TOP3A: variants seen among roughly 807,000 people sequenced by gnomAD.
The protein encoded by TOP3A is DNA topoisomerase III alpha, also known as DNA topoisomerase 3-alpha.
Under a neutral mutation model 111.3 loss-of-function variants are expected in TOP3A, and 64 were observed. The observed-to-expected ratio is 0.57, with a 90% CI of 0.47 to 0.71. The LOEUF is 0.71. Ranked by LOEUF, TOP3A falls within the 30% of genes least tolerant of loss-of-function variation. The pLI is 0.00. For missense variants in TOP3A, 1,104 were observed against 1,285.0 expected (o/e 0.86, Z 2.15); for synonymous variants, 484 against 485.1 (o/e 1.00, Z 0.03).
intron 9 of TOP3A, 22 bp from the exon 10 acceptor site, chr17:18,294,807 A>G: frequency 6.4e-7 from 1 of 1,560,158 alleles, no homozygotes. Flanking sequence ...GTCAACAGGC[A>G]TGTTAGGTGT....
rs748896969 is a variant in TOP3A at position 18,302,680 on chromosome 17, G to A, written c.543C>T (p.Ile181=). The A allele has an allele frequency of 1.4e-5, 23 of 1,614,022 alleles. 1 individual carries two copies. Among genetic ancestry groups the A allele is most frequent in the Non-Finnish European group, 1.9e-5 (23 of 1,180,002 alleles). Residue 181 remains isoleucine, a synonymous_variant, in exon 6 of 19, where the codon ATC becomes ATT. Transcript: ENST00000321105. ...AAGCTGTCCTGACGGCATGGGGTGT[G>A]ATCTCAGAGAATCGGGCTCGCAACA... ...LQVLRARFSE[I]TPHAVRTACE... is the part of the protein sequence containing the mutation.
At position 18,314,587 on chromosome 17, in the gene TOP3A, G is replaced by A. The variant is rs1982131728; in HGVS notation, c.180+12C>T. 1 of 1,604,360 alleles carries A rather than the reference G, an allele frequency of 6.2e-7. No homozygotes were observed. The highest frequency in any genetic ancestry group is 8.5e-7 in the Non-Finnish European group (1 of 1,173,492). Reference sequence around the variant, plus strand: ...CTTAAGGCACGCAGCTGATCGGAACGCGCTTTCTTACCCGCCTCATGCGAC... The same window carrying A: ...CTTAAGGCACGCAGCTGATCGGAACACGCTTTCTTACCCGCCTCATGCGAC... On this transcript the variant is annotated intron_variant, in intron 1 of 18. Transcript: ENST00000321105.
At chr17:18,307,897 G>A (rs1486370528) in intron 3 of TOP3A, among the ~76,000 whole-genome samples, 1 of 115,614 alleles carries the variant, frequency 8.6e-6, no homozygotes, top group African/African-American at 3.5e-5. Flanking sequence ...GTAACGCAGC[G>A]AGACCCTGAC....
At chr17:18,302,909 C>CT in intron 5 of TOP3A, 186 bp from the exon 6 acceptor site, 1 of 611,402 alleles carries the variant, frequency 1.6e-6, no homozygotes, top group South Asian at 2.3e-5. Context: ...TCACCATAAC[C>CT]TTTAAACTGA....
Position 18,274,793 on chromosome 17 carries a change from ACCCTG to A in TOP3A, c.*4_*8del. On this transcript the variant is annotated 3_prime_UTR_variant, in exon 19 of 19. Transcript: ENST00000321105. ...CTGAGAAAGTGGCGTTCTCTACCCT[ACCCTG>A]AGCTCATCTGTTCTGAGGACAAAAG... is the stretch of plus-strand genomic sequence containing the variant. 6.2e-7 allele frequency: 1 copy of A among 1,613,274 alleles called. No individual in the cohort carries two copies. Among genetic ancestry groups the A allele is most frequent in the Non-Finnish European group, 8.5e-7 (1 of 1,179,486 alleles).
chr17:18,302,841 G>T, intron 5 of TOP3A, 118 bp from the exon 6 acceptor site: 1 of 1,234,992 alleles, frequency 8.1e-7, no homozygotes, highest in Non-Finnish European at 1.1e-6. Context: ...GAAGCTGTGA[G>T]ATGACCAATT....
intron 16 of TOP3A, among the ~76,000 whole-genome samples, chr17:18,282,402 T>C (rs1979814532): frequency 6.6e-6 from 1 of 152,194 alleles, no homozygotes; most frequent in African/African-American, 2.4e-5. Context: ...CACCTAGATC[T>C]GAAGCTCATG....
chr17:18,294,846 A>C, intron 9 of TOP3A, 61 bp from the exon 10 acceptor site: 1 of 1,101,408 alleles, frequency 9.1e-7, no homozygotes, highest in Non-Finnish European at 1.4e-6. Flanking sequence ...CACAACTCAA[A>C]TACACAACTC....
intron 1 of TOP3A, among the ~76,000 whole-genome samples, chr17:18,311,107 T>C (rs1354230247): frequency 6.6e-6 from 1 of 151,660 alleles, no homozygotes; most frequent in Non-Finnish European, 1.5e-5. Flanking sequence ...TTCATGCCAT[T>C]CTGCTGCCTC....
intron 10 of TOP3A, among the ~76,000 whole-genome samples, chr17:18,293,636 A>G (rs1252923198): frequency 6.6e-6 from 1 of 151,504 alleles, no homozygotes; most frequent in African/African-American, 2.4e-5. Flanking sequence ...TTGCTGTGTC[A>G]CCCAGGCTGG....
chr17:18,314,680 C>A lies in TOP3A; in HGVS notation c.99G>T (p.Val33=), dbSNP rs760880301. 6.2e-7 allele frequency: 1 copy of A among 1,613,192 alleles called. No homozygotes were observed. The highest frequency in any genetic ancestry group is 8.5e-7 in the Non-Finnish European group (1 of 1,179,602). ...RAAMEMALRG[V]RKVLCVAEKN... ...TTTCGGCCACACAGAGGACTTTCCG[C>A]ACGCCTCGGAGGGCCATCTCCATGG... Residue 33 remains valine (V), a synonymous_variant, in exon 1 of 19, where the codon GTG becomes GTT. Coordinates refer to ENST00000321105, the MANE Select transcript of TOP3A (RefSeq NM_004618.5).
At chr17:18,277,299 G>C (rs1250943629) in intron 18 of TOP3A, among the ~76,000 whole-genome samples, 3 of 152,102 alleles carry the variant, frequency 2.0e-5, no homozygotes, top group African/African-American at 7.2e-5. Context: ...ACTCATCCTG[G>C]TGTCTGTTGC....
intron 11 of TOP3A, among the ~76,000 whole-genome samples, chr17:18,291,496 T>TC (rs1980473927): frequency 6.6e-6 from 1 of 152,204 alleles, no homozygotes; most frequent in East Asian, 1.9e-4. Flanking sequence ...TATACACATA[T>TC]CCAATAATTC....
rs551720060 is a variant in TOP3A at position 18,279,953 on chromosome 17, C to T, written c.2144+583G>A. On this transcript the variant is annotated intron_variant, in intron 17 of 18. Transcript: ENST00000321105. ...ATCACTTGGGGCCAGGAGTTCGAGA[C>T]CAGCCTGGCCAACATGGTGAAACCC... Among the ~76,000 whole-genome samples the T allele has an allele frequency of 4.2e-3, 638 of 152,112 alleles. 4 individuals carry two copies. The highest frequency in any genetic ancestry group is 0.015 in the African/African-American group (620 of 41,498).
Position 18,302,715 on chromosome 17 carries a change from T to C in TOP3A, c.508A>G (p.Asn170Asp), listed in dbSNP as rs769983124. ...IIHVCKAVKP[N>D]LQVLRARFSE... ...AATCGGGCTCGCAACACCTGCAGAT[T>C]GGGCTTTACTGCAGAACACAAGGTG... Residue 170 changes from asparagine to aspartate, a missense_variant, in exon 6 of 19, where the codon AAT becomes GAT. By Grantham distance (23) the Asn-to-Asp change is conservative. Transcript: ENST00000321105. The C allele has an allele frequency of 1.2e-6, 2 of 1,613,638 alleles. No homozygotes were observed.
In TOP3A at chr17:18,297,174, C is replaced by G. The variant is rs533164747; in HGVS notation, c.990+2385G>C. On this transcript the variant is annotated intron_variant, in intron 9 of 18. Coordinates refer to ENST00000321105, the MANE Select transcript of TOP3A (RefSeq NM_004618.5). ...GGCGCGGTGGCTCACGCCTCTAATC[C>G]CAGCACTTTGGGAGGCTGAGGTGGG... Among the ~76,000 whole-genome samples, 756 of 152,244 alleles carry G rather than the reference C, an allele frequency of 5.0e-3. 5 individuals carry two copies. The highest frequency in any genetic ancestry group is 0.017 in the African/African-American group (713 of 41,526).
chr17:18,289,544 T>C (rs184526259), intron 13 of TOP3A, among the ~76,000 whole-genome samples: 118 of 152,262 alleles, frequency 7.7e-4, no homozygotes, highest in African/African-American at 2.7e-3. Flanking sequence ...TCCTGAAGTG[T>C]TGGGATTACA....
intron 13 of TOP3A, among the ~76,000 whole-genome samples, chr17:18,286,211 A>T (rs12953249): frequency 1.1e-5 from 1 of 89,592 alleles, no homozygotes; most frequent in Non-Finnish European, 2.6e-5. Context: ...AAAAAAAAAG[A>T]AAAAAAAAAG....
Position 18,314,621 on chromosome 17 carries a change from A to G in TOP3A, c.158T>C (p.Leu53Pro). The change falls in exon 1 of 19, where the codon CTG becomes CCG. Residue 53 changes from leucine to proline, a missense_variant. By Grantham distance (98) the Leu-to-Pro change is moderately conservative. Transcript: ENST00000321105. Reference sequence around the variant, plus strand: ...TACCCGCCTCATGCGACCGTTTGACAGCAGGTCGGCGATCCCCTTGGCCGC... The same window carrying G: ...TACCCGCCTCATGCGACCGTTTGACGGCAGGTCGGCGATCCCCTTGGCCGC... ...NDAAKGIADL[L>P]SNGRMRRREG... is the part of the protein sequence containing the mutation. The G allele has an allele frequency of 6.2e-7, 1 of 1,611,382 alleles. No homozygotes were observed. The highest frequency in any genetic ancestry group is 1.1e-5 in the South Asian group (1 of 90,624).
Sources: gnomAD v4.1 joint callset for allele counts (sites outside exome capture counted in the v4.1 genomes callset) on GRCh38, gnomAD v4.1.1 for gene constraint, MANE v1.5 for transcripts, NCBI Gene and HGNC (gene_info 2026-07-23, HGNC 2026-07-21) for gene names.